Variants in BMI1 observed in about 807,000 individuals in gnomAD.
BMI1 encodes BMI1 proto-oncogene, polycomb ring finger, also known as polycomb complex protein BMI-1.
A neutral mutation model predicts 39.1 loss-of-function variants in BMI1; 9 were observed. That is an observed-to-expected ratio of 0.23 (90% confidence interval 0.14 to 0.40). The LOEUF (loss-of-function observed/expected upper bound fraction) is 0.40, where lower values mean the gene tolerates loss of function less well. Ranked by LOEUF, BMI1 falls within the 10% of genes least tolerant of loss-of-function variation. The pLI, the probability that BMI1 is intolerant of heterozygous loss-of-function variation, is 1.00. For synonymous variants in BMI1, 131 were observed against 127.9 expected (o/e 1.02, Z -0.16); for missense variants, 252 against 390.8 (o/e 0.64, Z 2.99).
intron 8 of BMI1, 54 bp from the exon 9 acceptor site, chr10:22,328,990 CAAAA>C (rs1312246998): frequency 2.7e-6 from 4 of 1,490,774 alleles, no homozygotes; most frequent in Non-Finnish European, 2.7e-6. Flanking sequence ...ATTTAAATGA[CAAAA>C]AATGTACATT....
chr10:22,329,545 C>T lies in BMI1; in HGVS notation c.*3C>T, dbSNP rs912822877. Reference sequence around the variant, plus strand: ...CATCAGCAACTTCTTCTGGTTGATACCTGAGACTGTTAAGGAAAAAAATTT... The same window carrying T: ...CATCAGCAACTTCTTCTGGTTGATATCTGAGACTGTTAAGGAAAAAAATTT... On this transcript the variant is annotated 3_prime_UTR_variant, in exon 10 of 10. Coordinates refer to ENST00000376663, the MANE Select transcript of BMI1 (RefSeq NM_005180.9). The T allele has an allele frequency of 6.8e-6, 11 of 1,610,848 alleles. No homozygotes were observed. The highest frequency in any genetic ancestry group is 8.5e-6 in the Non-Finnish European group (10 of 1,178,244).
chr10:22,329,176 A>C (rs1167388385), intron 9 of BMI1, 37 bp from the exon 10 acceptor site: 10 of 1,609,960 alleles, frequency 6.2e-6, no homozygotes, highest in Non-Finnish European at 8.5e-6. Flanking sequence ...CTATATTTAA[A>C]GAATTAAGAG....
intron 1 of BMI1, chr10:22,322,255 C>T (rs1306103784): frequency 1.3e-5 from 2 of 152,270 alleles, no homozygotes; most frequent in Non-Finnish European, 2.9e-5. Flanking sequence ...GAAGAAAGGG[C>T]TCTGGAGGGG....
chr10:22,330,218 G>A lies in BMI1; in HGVS notation c.*676G>A, dbSNP rs1447809179. 6.5e-6 allele frequency: 1 copy of A among 152,746 alleles called. No individual in the cohort carries two copies. Among genetic ancestry groups the A allele is most frequent in the African/African-American group, 2.4e-5 (1 of 41,446 alleles). The allele number at this position is 152,746 out of a possible 1,614,324, so 9.5% of individuals were successfully genotyped here. ...TTTTGTAAGAATCAGATGGCATTAT[G>A]CTTGTTGTACAATGCCATATTGGTA... On this transcript the variant is annotated 3_prime_UTR_variant, in exon 10 of 10. Transcript: ENST00000376663.
At chr10:22,323,965 C>G (rs1040349909) in intron 1 of BMI1, among the ~76,000 whole-genome samples, 1 of 152,196 alleles carries the variant, frequency 6.6e-6, no homozygotes, top group African/African-American at 2.4e-5. Flanking sequence ...TATTTATTAG[C>G]ATTATAAATG....
At chr10:22,331,533 T>C (rs925989473), downstream of BMI1, 4 of 151,556 alleles carry the variant, frequency 2.6e-5, no homozygotes, top group African/African-American at 9.8e-5. Flanking sequence ...TCATGATGTT[T>C]AAGACAAAGA....
chr10:22,330,640 T>A lies in BMI1; in HGVS notation c.*1098T>A, dbSNP rs941124916. 4.6e-5 allele frequency: 7 copies of A among 152,340 alleles called. No homozygotes were observed. The East Asian group carries it at 9.6e-4, about 21-fold the overall frequency. 9.4% of individuals were successfully genotyped at this position (152,340 alleles called of 1,614,324 possible). A position where few individuals can be genotyped will look rare whatever the true frequency, so the allele number is the denominator to read the frequency against. ...TCACTATAATTCTAAAACAATTTTT[T>A]AAATAAACCAGCAGGTTGCTAAAAG... On this transcript the variant is annotated 3_prime_UTR_variant, in exon 10 of 10. Coordinates refer to ENST00000376663, the MANE Select transcript of BMI1 (RefSeq NM_005180.9).
chr10:22,329,628 C>T lies in BMI1; in HGVS notation c.*86C>T. The T allele has an allele frequency of 1.4e-6, 2 of 1,452,138 alleles. No individual in the cohort carries two copies. The highest frequency in any genetic ancestry group is 2.3e-5 in the East Asian group (1 of 43,094). 90.0% of individuals were successfully genotyped at this position (1,452,138 alleles called of 1,614,324 possible). The stretch of plus-strand genomic sequence containing the variant: ...CATTACAGCTTTCTAGATGCTAATA[C>T]ATGTGACTATCGTCCAATTTGCTTT... On this transcript the variant is annotated 3_prime_UTR_variant, in exon 10 of 10. Coordinates refer to ENST00000376663, the MANE Select transcript of BMI1 (RefSeq NM_005180.9).
chr10:22,327,347 G>A (rs1300724969), intron 3 of BMI1, among the ~76,000 whole-genome samples: 1 of 152,034 alleles, frequency 6.6e-6, no homozygotes, highest in Admixed American at 6.5e-5. Context: ...TAACTTGAAA[G>A]GCACACTTCT....
intron 8 of BMI1, 68 bp downstream of exon 8, chr10:22,328,766 G>A: frequency 6.8e-7 from 1 of 1,467,512 alleles, no homozygotes; most frequent in Non-Finnish European, 9.1e-7. Context: ...TTTTCACTTT[G>A]GATTTTGAAC....
At chr10:22,323,183 A>T (rs138929043) in intron 1 of BMI1, among the ~76,000 whole-genome samples, 444 of 152,366 alleles carry the variant, frequency 2.9e-3, no homozygotes, top group Non-Finnish European at 5.2e-3. Flanking sequence ...ACAGTATATA[A>T]CAAGTTATGA....
At chr10:22,326,183 C>T in intron 1 of BMI1, 1 of 407,140 alleles carries the variant, frequency 2.5e-6, no homozygotes, top group Non-Finnish European at 4.4e-6. Context: ...CCAGCCCCCA[C>T]CCCAGACTTT....
chr10:22,322,843 A>G (rs1158938441), intron 1 of BMI1, among the ~76,000 whole-genome samples: 2 of 152,254 alleles, frequency 1.3e-5, no homozygotes, highest in Non-Finnish European at 2.9e-5. Context: ...TGGGCTTGAC[A>G]GTGATATGGC....
rs1356842587 is a variant in BMI1, at chr10:22,325,628, C to G, written c.-19-803C>G. On this transcript the variant is annotated intron_variant, in intron 1 of 9. Coordinates refer to ENST00000376663, the MANE Select transcript of BMI1 (RefSeq NM_005180.9). ...CCCCCGCGGCGCGCCGCCCCTCCCCCGCCCGCCCGCCCGCCCGCCGCCCCG... is the reference window on the plus strand; with the variant it reads ...CCCCCGCGGCGCGCCGCCCCTCCCCGGCCCGCCCGCCCGCCCGCCGCCCCG... The G allele has an allele frequency of 7.5e-5, 11 of 145,892 alleles. No homozygotes were observed. In the East Asian group the frequency reaches 2.2e-3, roughly 29 times the overall value. The allele number at this position is 145,892 out of a possible 1,614,324, so 9.0% of individuals were successfully genotyped here. A position where few individuals can be genotyped will look rare whatever the true frequency, so the allele number is the denominator to read the frequency against.
chr10:22,325,267 TC>T (rs1836106214), intron 1 of BMI1, among the ~76,000 whole-genome samples: 1 of 152,220 alleles, frequency 6.6e-6, no homozygotes, highest in South Asian at 2.1e-4. Context: ...CCTGACGGTT[TC>T]GGGCTAAGTG....
chr10:22,322,356 C>G (rs1350473555), intron 1 of BMI1, among the ~76,000 whole-genome samples: 1 of 152,184 alleles, frequency 6.6e-6, no homozygotes, highest in African/African-American at 2.4e-5. Flanking sequence ...CTGGAGAGAG[C>G]CCCGACGAAA....
At chr10:22,326,313 C>T in intron 1 of BMI1, 118 bp from the exon 2 acceptor site, 3 of 1,390,852 alleles carry the variant, frequency 2.2e-6, no homozygotes, top group African/African-American at 1.4e-5. Flanking sequence ...AACGTTAGGA[C>T]AGCCCAGCTG....
intron 1 of BMI1, among the ~76,000 whole-genome samples, chr10:22,323,263 A>C (rs1836053217): frequency 6.6e-6 from 1 of 152,238 alleles, no homozygotes; most frequent in African/African-American, 2.4e-5. Context: ...TTTATAAACA[A>C]AATTATAAGT....
chr10:22,324,384 T>C (rs1304576243), intron 1 of BMI1, among the ~76,000 whole-genome samples: 1 of 152,230 alleles, frequency 6.6e-6, no homozygotes, highest in Non-Finnish European at 1.5e-5. Context: ...GATTTAAATA[T>C]TGCTACTCTT....
Sources: gnomAD v4.1 joint callset for allele counts (sites outside exome capture counted in the v4.1 genomes callset) on GRCh38, gnomAD v4.1.1 for gene constraint, MANE v1.5 for transcripts, NCBI Gene and HGNC (gene_info 2026-07-23, HGNC 2026-07-21) for gene names.